Variants in DIP2C observed in about 807,000 individuals in gnomAD.
DIP2C encodes the protein disco-interacting protein 2 homolog C.
DIP2C carries 33 observed loss-of-function variants against 192.4 expected under a neutral mutation model. That is an observed-to-expected ratio of 0.17 (90% CI 0.13 to 0.23). The LOEUF (loss-of-function observed/expected upper bound fraction) is 0.23, where lower values mean the gene tolerates loss of function less well. DIP2C is among the 10% of genes least tolerant of loss of function. DIP2C has a pLI of 1.00. For synonymous variants in DIP2C, 979 were observed against 864.1 expected (o/e 1.13, Z -2.33); for missense variants, 1,537 against 2,110.1 (o/e 0.73, Z 5.32).
At chr10:351,350 C>G (rs1215419054) in intron 24 of DIP2C, among the ~76,000 whole-genome samples, 1 of 152,172 alleles carries the variant, frequency 6.6e-6, no homozygotes, top group Non-Finnish European at 1.5e-5. Context: ...TGACCTCTAC[C>G]AAAACGTCCA....
intron 7 of DIP2C, among the ~76,000 whole-genome samples, chr10:414,862 G>GTA (rs1418886033): frequency 0.021 from 1,044 of 48,692 alleles, 22 homozygotes; most frequent in African/African-American, 0.058. Context: ...TTGTGTGTGT[G>GTA]TGTGTGTGTG....
chr10:293,472 G>A (rs1377917510), intron 32 of DIP2C, among the ~76,000 whole-genome samples: 2 of 152,178 alleles, frequency 1.3e-5, no homozygotes, highest in East Asian at 3.8e-4. Flanking sequence ...TTAATTTGAA[G>A]CATTTAAAAT....
At chr10:562,244 C>T (rs1849259537) in intron 1 of DIP2C, among the ~76,000 whole-genome samples, 1 of 152,212 alleles carries the variant, frequency 6.6e-6, no homozygotes, top group Admixed American at 6.5e-5. Context: ...AAGGATTTTC[C>T]CTGTTCACCA....
intron 1 of DIP2C, among the ~76,000 whole-genome samples, chr10:525,301 CCA>C (rs1846985523): frequency 6.6e-6 from 1 of 152,112 alleles, no homozygotes; most frequent in Non-Finnish European, 1.5e-5. Flanking sequence ...GGTTGTATGT[CCA>C]CAGCTATTCG....
At chr10:623,600 C>T (rs187809187) in intron 1 of DIP2C, among the ~76,000 whole-genome samples, 18 of 23,582 alleles carry the variant, frequency 7.6e-4, no homozygotes, top group Middle Eastern at 0.033. Context: ...AGGGGAGGGA[C>T]GCAGGGCCGA....
intron 1 of DIP2C, among the ~76,000 whole-genome samples, chr10:547,732 G>A (rs1350759520): frequency 6.6e-6 from 1 of 152,130 alleles, no homozygotes; most frequent in Non-Finnish European, 1.5e-5. Flanking sequence ...CAGGCTCCCA[G>A]AAATCATCCT....
rs749767923 is a variant in DIP2C at position 390,090 on chromosome 10, T to C, written c.1498A>G (p.Lys500Glu). Residue 500 changes from lysine to glutamate, a missense_variant, in exon 13 of 37, where the codon AAG becomes GAG. Coordinates refer to ENST00000280886, the MANE Select transcript of DIP2C (RefSeq NM_014974.3). The part of the protein sequence containing the change: ...ANNDTAYIEY[K>E]TCKDGSVLGV... ...AGCACACTGCCATCCTTACACGTCT[T>C]GTACTGAAACGAGACAAAGCGTGAG... 3 of 1,613,678 alleles carry C rather than the reference T, an allele frequency of 1.9e-6. No homozygotes were observed. The highest frequency in any genetic ancestry group is 2.5e-6 in the Non-Finnish European group (3 of 1,179,662).
chr10:546,703 G>C (rs1461479544), intron 1 of DIP2C, among the ~76,000 whole-genome samples: 1 of 152,160 alleles, frequency 6.6e-6, no homozygotes, highest in Non-Finnish European at 1.5e-5. Flanking sequence ...TCCTGCACTT[G>C]AGTGGCTCTT....
intron 34 of DIP2C, among the ~76,000 whole-genome samples, chr10:284,983 C>T (rs758226556): frequency 2.0e-5 from 3 of 152,172 alleles, no homozygotes; most frequent in Admixed American, 6.5e-5. Context: ...GCCTACGTCT[C>T]GGGCAGCACC....
At chr10:485,094 G>C in intron 2 of DIP2C, 1 of 1,091,806 alleles carries the variant, frequency 9.2e-7, no homozygotes, top group Non-Finnish European at 1.3e-6. Flanking sequence ...TCTGCGCCCG[G>C]CTAAGGCCAG....
Position 281,236 on chromosome 10 carries a change from G to A in DIP2C, c.4382C>T (p.Thr1461Ile), listed in dbSNP as rs1954803703. 6.2e-7 allele frequency: 1 copy of A among 1,614,046 alleles called. No individual in the cohort carries two copies. The highest frequency in any genetic ancestry group is 1.3e-5 in the African/African-American group (1 of 74,906). Reference protein sequence around the residue: ...GMRYHPIDIETSVIRAHKSVT... With the variant: ...GMRYHPIDIEISVIRAHKSVT... ...GCTTTTATGGGCTCTGATGACCGAG[G>A]TCTCAATGTCGATTGGGTGGTACCG... is the stretch of plus-strand genomic sequence containing the variant. Residue 1461 changes from threonine to isoleucine, a missense_variant, in exon 36 of 37, where the codon ACC becomes ATC. Thr to Ile is a moderately conservative substitution (Grantham distance 89, BLOSUM62 -1). This residue lies in a region of DIP2C where 341 missense variants were observed against 551.7 expected (regional missense o/e 0.62). Coordinates refer to ENST00000280886, the MANE Select transcript of DIP2C (RefSeq NM_014974.3).
At chr10:385,586 C>A (rs1244933532) in intron 14 of DIP2C, among the ~76,000 whole-genome samples, 2 of 152,176 alleles carry the variant, frequency 1.3e-5, no homozygotes, top group African/African-American at 4.8e-5. Flanking sequence ...CTGGCTCTGG[C>A]CGGGCCTTGC....
chr10:365,737 A>G (rs1960110367), intron 19 of DIP2C, among the ~76,000 whole-genome samples: 1 of 152,240 alleles, frequency 6.6e-6, no homozygotes, highest in African/African-American at 2.4e-5. Context: ...ATGCACGCAC[A>G]TTACACACGC....
intron 1 of DIP2C, among the ~76,000 whole-genome samples, chr10:618,647 T>C (rs1011544419): frequency 6.6e-6 from 1 of 152,238 alleles, no homozygotes; most frequent in African/African-American, 2.4e-5. Flanking sequence ...TTTGCTTTTA[T>C]GCAACAAAGT....
Position 363,128 on chromosome 10 carries a change from G to T in DIP2C, c.2592+69C>A. The stretch of plus-strand genomic sequence containing the variant: ...GCAAAGCAACAGCTGGTCACACCAT[G>T]ATCTGAATGAAGTAAGGAGGCCAGA... On this transcript the variant is annotated intron_variant, in intron 21 of 36. Coordinates refer to ENST00000280886, the MANE Select transcript of DIP2C (RefSeq NM_014974.3). The surrounding 1 kb of genome is among the most constrained non-coding windows in gnomAD (Gnocchi z 5.4). The T allele has an allele frequency of 1.4e-6, 2 of 1,402,518 alleles. No individual in the cohort carries two copies. Among genetic ancestry groups the T allele is most frequent in the Non-Finnish European group, 9.9e-7 (1 of 1,007,110 alleles). 86.9% of individuals were successfully genotyped at this position (1,402,518 alleles called of 1,614,324 possible).
chr10:291,618 A>T (rs1484163624), intron 32 of DIP2C, among the ~76,000 whole-genome samples: 1 of 152,238 alleles, frequency 6.6e-6, no homozygotes, highest in East Asian at 1.9e-4. Context: ...GGTTGTTCTC[A>T]AAAGTAGTGT....
chr10:680,313 A>G (rs1831084767), intron 1 of DIP2C, among the ~76,000 whole-genome samples: 1 of 152,190 alleles, frequency 6.6e-6, no homozygotes, highest in Admixed American at 6.5e-5. Flanking sequence ...GCACGGCCTG[A>G]CATGAGCCCG....
At chr10:437,363 T>C (rs1037935694) in intron 4 of DIP2C, among the ~76,000 whole-genome samples, 3 of 149,684 alleles carry the variant, frequency 2.0e-5, no homozygotes, top group Non-Finnish European at 1.5e-5. Flanking sequence ...CACCCACACC[T>C]GAGCTCTGAG....
intron 1 of DIP2C, among the ~76,000 whole-genome samples, chr10:639,939 G>A (rs911613084): frequency 1.3e-5 from 2 of 152,040 alleles, no homozygotes; most frequent in East Asian, 3.9e-4. Context: ...CGCTGACCAC[G>A]CGGCATCTGC....
Sources: gnomAD v4.1 joint callset for allele counts (sites outside exome capture counted in the v4.1 genomes callset) on GRCh38, gnomAD v4.1.1 for gene constraint, gnomAD v4.1.1 regional missense constraint, Gnocchi (gnomAD v3.1) non-coding constraint, MANE v1.5 for transcripts, NCBI Gene and HGNC (gene_info 2026-07-23, HGNC 2026-07-21) for gene names.